ZMAT4: variants seen among roughly 807,000 people sequenced by gnomAD.
The protein encoded by ZMAT4 is zinc finger matrin-type 4, also known as zinc finger matrin-type protein 4.
In ZMAT4, 17 loss-of-function variants were observed where a neutral mutation model predicts 28.7. That is an observed-to-expected ratio of 0.59 (90% CI 0.41 to 0.89). The LOEUF (loss-of-function observed/expected upper bound fraction) is 0.89, where lower values mean the gene tolerates loss of function less well. ZMAT4 is among the 40% of genes least tolerant of loss of function. The pLI is 0.00. For synonymous variants in ZMAT4, 117 were observed against 109.2 expected (o/e 1.07, Z -0.44); for missense variants, 240 against 283.8 (o/e 0.85, Z 1.11).
chr8:40,860,736 G>A lies in ZMAT4; in HGVS notation c.-4-35056C>T, dbSNP rs368189378. ...AAATGGTCCACAGATGTTCATGAGC[G>A]ACCCCTTGTCTGTTTGAAATGGGAG... On this transcript the variant is annotated intron_variant, in intron 1 of 6. Transcript: ENST00000297737. Among the ~76,000 whole-genome samples, 26 of 152,310 alleles carry A rather than the reference G, an allele frequency of 1.7e-4. No homozygotes were observed. The South Asian group carries it at 2.3e-3, about 13-fold the overall frequency.
chr8:40,635,817 T>G (rs1352478106), intron 5 of ZMAT4, among the ~76,000 whole-genome samples: 1 of 152,236 alleles, frequency 6.6e-6, no homozygotes, highest in African/African-American at 2.4e-5. Context: ...AAATGACTAA[T>G]AGACATGGTC....
intron 5 of ZMAT4, among the ~76,000 whole-genome samples, chr8:40,650,110 C>A (rs949674950): frequency 2.0e-5 from 3 of 152,054 alleles, no homozygotes; most frequent in African/African-American, 7.2e-5. Context: ...ACACAAAAAA[C>A]CCTTCAAAAA....
At chr8:40,603,533 A>C (rs1183185345) in intron 5 of ZMAT4, among the ~76,000 whole-genome samples, 1 of 152,226 alleles carries the variant, frequency 6.6e-6, no homozygotes, top group Non-Finnish European at 1.5e-5. Flanking sequence ...TCATTTTCAC[A>C]ATACTGATTC....
chr8:40,812,659 G>A (rs1290043105), intron 2 of ZMAT4, among the ~76,000 whole-genome samples: 1 of 152,140 alleles, frequency 6.6e-6, no homozygotes, highest in Non-Finnish European at 1.5e-5. Context: ...GGTCAGGTGC[G>A]GTGGCTCATG....
intron 1 of ZMAT4, among the ~76,000 whole-genome samples, chr8:40,878,283 T>G (rs1372667652): frequency 6.6e-6 from 1 of 152,130 alleles, no homozygotes; most frequent in African/African-American, 2.4e-5. Flanking sequence ...TCACTTGAAG[T>G]CAGGTGGCTC....
intron 6 of ZMAT4, among the ~76,000 whole-genome samples, chr8:40,553,274 A>C (rs1427377173): frequency 6.6e-6 from 1 of 152,198 alleles, no homozygotes; most frequent in Non-Finnish European, 1.5e-5. Flanking sequence ...ACATTCTGAC[A>C]TCATTCCTGA....
chr8:40,712,783 G>A (rs1264978641), intron 3 of ZMAT4, among the ~76,000 whole-genome samples: 3 of 152,138 alleles, frequency 2.0e-5, no homozygotes, highest in Non-Finnish European at 4.4e-5. Flanking sequence ...TTTGCTAGCT[G>A]AAGAACTTCC....
At chr8:40,599,719 G>T (rs539840310) in intron 5 of ZMAT4, among the ~76,000 whole-genome samples, 3 of 152,358 alleles carry the variant, frequency 2.0e-5, no homozygotes, top group East Asian at 3.9e-4. Context: ...CTAAAGGCAG[G>T]TGGGAGAGTG....
intron 5 of ZMAT4, among the ~76,000 whole-genome samples, chr8:40,597,449 G>T (rs537760542): frequency 6.6e-4 from 101 of 152,316 alleles, no homozygotes; most frequent in Non-Finnish European, 1.2e-3. Flanking sequence ...GTCTGATCCT[G>T]GATCTGTGTG....
intron 1 of ZMAT4, among the ~76,000 whole-genome samples, chr8:40,864,287 T>C (rs1303654671): frequency 6.6e-6 from 1 of 152,218 alleles, no homozygotes; most frequent in Admixed American, 6.5e-5. Flanking sequence ...GTTCTCCTCT[T>C]ACTATGCTGG....
intron 3 of ZMAT4, among the ~76,000 whole-genome samples, chr8:40,703,632 T>C (rs1279964313): frequency 3.0e-4 from 46 of 152,086 alleles, no homozygotes; most frequent in Non-Finnish European, 5.9e-5. Context: ...TGATTGCTAA[T>C]GGGTAAAGAG....
In ZMAT4 at chr8:40,554,383, T is replaced by A. The variant is rs1803460640; in HGVS notation, c.675-22145A>T. Among the ~76,000 whole-genome samples the A allele has an allele frequency of 2.0e-5, 3 of 152,056 alleles. No individual in the cohort carries two copies. The South Asian group carries it at 6.2e-4, about 32-fold the overall frequency. On this transcript the variant is annotated intron_variant, in intron 6 of 6. Transcript: ENST00000297737. ...CTAAGTTAATTAGTTAATTAACTAC[T>A]AATTGGTTAATTAACTAAGTACTTA...
At chr8:40,574,319 G>A (rs1804192399) in intron 6 of ZMAT4, among the ~76,000 whole-genome samples, 1 of 151,846 alleles carries the variant, frequency 6.6e-6, no homozygotes, top group Admixed American at 6.6e-5. Flanking sequence ...TTGATACAAA[G>A]GGCCAAATGA....
Position 40,532,046 on chromosome 8 carries a change from AAG to A in ZMAT4, c.*175_*176del, listed in dbSNP as rs1585648762. ...TTACCCCAAAATTAAAAAAAGGAAAAAGAAAAAAGAAACCTCATTCATTTCCA... is the reference window on the plus strand; with the variant it reads ...TTACCCCAAAATTAAAAAAAGGAAAAAAAAAAGAAACCTCATTCATTTCCA... On this transcript the variant is annotated 3_prime_UTR_variant, in exon 7 of 7. Coordinates refer to ENST00000297737, the MANE Select transcript of ZMAT4 (RefSeq NM_024645.3). The A allele has an allele frequency of 6.2e-6, 3 of 482,368 alleles. No homozygotes were observed. In the East Asian group the frequency reaches 1.1e-4, roughly 17 times the overall value. The allele number at this position is 482,368 out of a possible 1,614,324, so 29.9% of individuals were successfully genotyped here. A position where few individuals can be genotyped will look rare whatever the true frequency, so the allele number is the denominator to read the frequency against.
intron 6 of ZMAT4, among the ~76,000 whole-genome samples, chr8:40,539,181 T>C (rs1229023549): frequency 6.6e-6 from 1 of 152,218 alleles, no homozygotes; most frequent in African/African-American, 2.4e-5. Context: ...CAAGGAAGCC[T>C]GGGGACTGTG....
rs1430000762 is a variant in ZMAT4 at position 40,876,135 on chromosome 8, G to A, written c.-5+21548C>T. On this transcript the variant is annotated intron_variant, in intron 1 of 6. Coordinates refer to ENST00000297737, the MANE Select transcript of ZMAT4 (RefSeq NM_024645.3). Reference sequence around the variant, plus strand: ...AAGAAATACAGTTGACCTTTGAACAGGTTTGAACTGCAATGACCCGCTTAT... The same window carrying A: ...AAGAAATACAGTTGACCTTTGAACAAGTTTGAACTGCAATGACCCGCTTAT... Among the ~76,000 whole-genome samples the A allele has an allele frequency of 5.9e-5, 9 of 152,232 alleles. No homozygotes were observed. The East Asian group carries it at 1.7e-3, about 29-fold the overall frequency.
intron 3 of ZMAT4, among the ~76,000 whole-genome samples, chr8:40,756,470 A>G (rs1379620966): frequency 7.0e-6 from 1 of 141,904 alleles, no homozygotes; most frequent in Non-Finnish European, 1.5e-5. Context: ...ACACTTGTAT[A>G]CCTGAAAAAG....
At chr8:40,795,953 CTT>C (rs1814577971) in intron 2 of ZMAT4, among the ~76,000 whole-genome samples, 1 of 152,182 alleles carries the variant, frequency 6.6e-6, no homozygotes, top group African/African-American at 2.4e-5. Flanking sequence ...ATTTTCCACA[CTT>C]TCTTCTTTGT....
intron 1 of ZMAT4, among the ~76,000 whole-genome samples, chr8:40,835,732 G>T (rs540083544): frequency 6.6e-6 from 1 of 152,160 alleles, no homozygotes; most frequent in Non-Finnish European, 1.5e-5. Flanking sequence ...AGGCACCGAC[G>T]AGACAGACCA....
Sources: gnomAD v4.1 joint callset for allele counts (sites outside exome capture counted in the v4.1 genomes callset) on GRCh38, gnomAD v4.1.1 for gene constraint, MANE v1.5 for transcripts, NCBI Gene and HGNC (gene_info 2026-07-23, HGNC 2026-07-21) for gene names.